The following DST variants were observed in gnomAD, a reference collection of about 807,000 sequenced individuals.
DST encodes the protein dystonin, also known as bullous pemphigoid antigen.
DST carries 253 observed loss-of-function variants against 875.2 expected under a neutral mutation model. That is an observed-to-expected ratio of 0.29 (90% CI 0.26 to 0.32). The LOEUF (loss-of-function observed/expected upper bound fraction) is 0.32. DST is among the 10% of genes least tolerant of loss of function. The probability of loss-of-function intolerance (pLI) is 1.00; values close to 1 mark genes in which losing one functional copy is unlikely to be tolerated. For synonymous variants in DST, 3,124 were observed against 3,197.1 expected (o/e 0.98, Z 0.77); for missense variants, 8,287 against 9,111.6 (o/e 0.91, Z 3.68).
At chr6:56,598,062 A>ACTT in intron 46 of DST, 56 bp from the exon 47 acceptor site, 1 of 1,455,700 alleles carries the variant, frequency 6.9e-7, no homozygotes, top group Non-Finnish European at 9.1e-7. Flanking sequence ...GCATAGTTTT[A>ACTT]AGACATTCCA....
intron 5 of DST, among the ~76,000 whole-genome samples, chr6:56,713,657 C>G (rs1302486947): frequency 6.6e-6 from 1 of 152,166 alleles, no homozygotes; most frequent in Non-Finnish European, 1.5e-5. Flanking sequence ...GTGCAGACAC[C>G]TTCTGGTCAT....
intron 86 of DST, 109 bp downstream of exon 86, chr6:56,489,381 G>T: frequency 1.8e-6 from 2 of 1,116,256 alleles, no homozygotes; most frequent in South Asian, 2.5e-5. Context: ...GTTCACACTG[G>T]ACCTACATTT....
In DST at chr6:56,842,547, C is replaced by CA. The variant is rs148993446; in HGVS notation, c.625+8849dup. Among the ~76,000 whole-genome samples, 1,210 of 152,252 alleles carry CA rather than the reference C, an allele frequency of 7.9e-3. 16 individuals are homozygous for CA. The highest frequency in any genetic ancestry group is 0.028 in the African/African-American group (1,148 of 41,522). ...AAACTCACTAAAGTCTTTTATCCAT[C>CA]ACGCTATAAAATAATTTTTACAATA... On this transcript the variant is annotated intron_variant, in intron 4 of 103. Coordinates refer to ENST00000680361, the MANE Select transcript of DST (RefSeq NM_001374736.1).
chr6:56,948,831 C>G (rs1221909623), intron 2 of DST, among the ~76,000 whole-genome samples: 1 of 152,168 alleles, frequency 6.6e-6, no homozygotes, highest in Non-Finnish European at 1.5e-5. Context: ...CCTTAAGCAC[C>G]TAGAAGACAG....
At chr6:56,544,333 T>C (rs2097187203) in intron 61 of DST, among the ~76,000 whole-genome samples, 1 of 152,236 alleles carries the variant, frequency 6.6e-6, no homozygotes, top group Non-Finnish European at 1.5e-5. Flanking sequence ...CTAAGATCCT[T>C]ACAGAACTTT....
chr6:56,500,602 AT>A (rs1465030716), intron 80 of DST, among the ~76,000 whole-genome samples: 1 of 152,202 alleles, frequency 6.6e-6, no homozygotes, highest in Non-Finnish European at 1.5e-5. Context: ...GTACAGACAG[AT>A]AAAAATATGT....
At chr6:56,600,032 A>T in intron 45 of DST, 37 bp downstream of exon 45, 1 of 1,573,570 alleles carries the variant, frequency 6.4e-7, no homozygotes, top group Non-Finnish European at 8.7e-7. Context: ...CGAACATAAC[A>T]TCAACATAGA....
chr6:56,904,178 A>G (rs749949384), intron 2 of DST, among the ~76,000 whole-genome samples: 3 of 152,236 alleles, frequency 2.0e-5, no homozygotes, highest in Non-Finnish European at 4.4e-5. Flanking sequence ...TGAACACAAT[A>G]GTGTATTATT....
At chr6:56,557,268 C>A (rs1380348770) in intron 59 of DST, 51 bp downstream of exon 59, 5 of 1,532,544 alleles carry the variant, frequency 3.3e-6, no homozygotes, top group Middle Eastern at 1.7e-4. Context: ...ACATTGGTCT[C>A]AGTAAGTCAA....
rs771632609 is a variant in DST, at chr6:56,605,590, T to C, written c.9038A>G (p.His3013Arg). 1.4e-5 allele frequency: 22 copies of C among 1,613,142 alleles called. No individual in the cohort carries two copies. The highest frequency in any genetic ancestry group is 1.7e-5 in the Admixed American group (1 of 59,954). ...AGTTACAGAGGCTATCAATGACAAA[T>C]GGCTTTCCTCAGCAGGTTTTCCTAT... ...DLIGKPAEES[H>R]LSLIASVTDK... is the part of the protein sequence containing the mutation. The change falls in exon 40 of 104, where the codon CAT becomes CGT. Residue 3013 changes from histidine to arginine, a missense_variant. Transcript: ENST00000680361.
intron 64 of DST, among the ~76,000 whole-genome samples, chr6:56,532,035 C>T (rs1190505523): frequency 6.6e-6 from 1 of 152,160 alleles, no homozygotes; most frequent in Non-Finnish European, 1.5e-5. Context: ...ATCTGCCCAG[C>T]TCACCCCTAT....
chr6:56,657,574 G>C (rs765095562), intron 10 of DST, among the ~76,000 whole-genome samples: 27 of 152,108 alleles, frequency 1.8e-4, no homozygotes, highest in Non-Finnish European at 3.1e-4. Context: ...GTCAACGGGT[G>C]GGGGGAGAGA....
At chr6:56,813,766 C>T (rs2099763499) in intron 4 of DST, among the ~76,000 whole-genome samples, 1 of 152,108 alleles carries the variant, frequency 6.6e-6, no homozygotes, top group Non-Finnish European at 1.5e-5. Context: ...TTTGTGGTTG[C>T]TCCTTAATAT....
intron 17 of DST, 131 bp downstream of exon 17, chr6:56,641,816 C>A: frequency 7.2e-6 from 5 of 696,650 alleles, no homozygotes; most frequent in Non-Finnish European, 1.1e-5. Flanking sequence ...AAAAATGTGA[C>A]ACACATTTTC....
intron 9 of DST, among the ~76,000 whole-genome samples, chr6:56,698,643 C>T (rs913628767): frequency 2.0e-5 from 3 of 152,142 alleles, no homozygotes; most frequent in African/African-American, 7.2e-5. Flanking sequence ...AGTCTTATTC[C>T]TCACCAGATT....
Position 56,463,602 on chromosome 6 carries a change from G to T in DST, c.22922C>A (p.Ala7641Glu). ...STSVSSQAAQ[A>E]ASPQVPATTT... ...GGTGGCAGGGACCTGTGGGGAGGCC[G>T]CCTGCGCAGCCTGACTGGACACAGA... Residue 7641 changes from alanine (A) to glutamate (E), a missense_variant, in exon 101 of 104, where the codon GCG (alanine) becomes GAG (glutamate). Around this residue, in one of 10 missense-constraint regions of DST, gnomAD observed 240 missense variants for 237.3 expected, o/e 1.01. Transcript: ENST00000680361. The T allele has an allele frequency of 6.2e-7, 1 of 1,606,252 alleles. No homozygotes were observed. Among genetic ancestry groups the T allele is most frequent in the Non-Finnish European group, 8.5e-7 (1 of 1,174,578 alleles).
At chr6:56,593,541 A>G in intron 48 of DST, 122 bp downstream of exon 48, 1 of 614,464 alleles carries the variant, frequency 1.6e-6, no homozygotes, top group Non-Finnish European at 2.5e-6. Context: ...AAATAGAAGT[A>G]GGCTAAAGCT....
chr6:56,515,712 A>G, intron 71 of DST, 44 bp from the exon 72 acceptor site: 6 of 1,482,340 alleles, frequency 4.0e-6, no homozygotes, highest in Non-Finnish European at 5.5e-6. Flanking sequence ...CAGGCCAACG[A>G]GCACACACAC....
At chr6:56,713,799 T>C (rs778664382) in intron 5 of DST, among the ~76,000 whole-genome samples, 2 of 152,198 alleles carry the variant, frequency 1.3e-5, no homozygotes, top group Admixed American at 6.5e-5. Flanking sequence ...TCTAGGGGTC[T>C]CTTCATAGCA....
Sources: gnomAD v4.1 joint callset for allele counts (sites outside exome capture counted in the v4.1 genomes callset) on GRCh38, gnomAD v4.1.1 for gene constraint, gnomAD v4.1.1 regional missense constraint, MANE v1.5 for transcripts, NCBI Gene and HGNC (gene_info 2026-07-23, HGNC 2026-07-21) for gene names.